CHD6: variants seen among roughly 807,000 people sequenced by gnomAD.
CHD6 encodes the protein ATP-dependent chromatin remodeler CHD6.
A neutral mutation model predicts 276.9 loss-of-function variants in CHD6; 50 were observed. The ratio of observed to expected loss-of-function variants is 0.18; its 90% CI spans 0.14 to 0.23. CHD6 has a LOEUF of 0.23. Ranked by LOEUF, CHD6 falls within the 10% of genes least tolerant of loss-of-function variation. The pLI, the probability that CHD6 is intolerant of heterozygous loss-of-function variation, is 1.00. For synonymous variants in CHD6, 1,173 were observed against 1,229.3 expected (o/e 0.95, Z 0.96); for missense variants, 2,564 against 3,365.8 (o/e 0.76, Z 5.89).
intron 23 of CHD6, among the ~76,000 whole-genome samples, chr20:41,448,763 G>T (rs892648991): frequency 1.6e-4 from 24 of 152,106 alleles, no homozygotes; most frequent in Admixed American, 2.0e-4. Flanking sequence ...TATTAGATCT[G>T]GGTAGAAAGT....
chr20:41,479,755 A>G (rs947695773), intron 16 of CHD6, among the ~76,000 whole-genome samples: 2 of 152,220 alleles, frequency 1.3e-5, no homozygotes, highest in Admixed American at 1.3e-4. Context: ...AATGAAAGAT[A>G]AAGTCAAGAA....
chr20:41,591,365 CATAT>C (rs761622140), intron 1 of CHD6, among the ~76,000 whole-genome samples: 199 of 144,080 alleles, frequency 1.4e-3, no homozygotes, highest in Non-Finnish European at 2.5e-3. Context: ...TATAATTTTA[CATAT>C]ATATATATAT....
At chr20:41,453,643 C>G (rs1411316149) in intron 20 of CHD6, among the ~76,000 whole-genome samples, 1 of 152,158 alleles carries the variant, frequency 6.6e-6, no homozygotes, top group Non-Finnish European at 1.5e-5. Flanking sequence ...CACCGTGCTT[C>G]CCAACACGGA....
chr20:41,487,644 A>G (rs2043449841), intron 14 of CHD6, 21 bp downstream of exon 14: 1 of 1,590,144 alleles, frequency 6.3e-7, no homozygotes, highest in South Asian at 1.2e-5. Flanking sequence ...TGTCTCCTCA[A>G]TTCTTTGGGT....
chr20:41,415,052 T>G, intron 34 of CHD6, 134 bp downstream of exon 34: 2 of 1,469,460 alleles, frequency 1.4e-6, no homozygotes, highest in Non-Finnish European at 1.8e-6. Flanking sequence ...GGGCATCTTA[T>G]AATGAGAGAA....
chr20:41,495,854 T>C (rs189363304), intron 8 of CHD6, among the ~76,000 whole-genome samples: 4 of 152,350 alleles, frequency 2.6e-5, no homozygotes, highest in Admixed American at 2.6e-4. Flanking sequence ...GTCCTGCTTT[T>C]TCCTATGATA....
chr20:41,591,297 A>G (rs1405967448), intron 1 of CHD6, among the ~76,000 whole-genome samples: 1 of 151,754 alleles, frequency 6.6e-6, no homozygotes, highest in Non-Finnish European at 1.5e-5. Context: ...CCAACATGGC[A>G]CATGTATACC....
intron 1 of CHD6, among the ~76,000 whole-genome samples, chr20:41,587,814 G>A (rs1301246214): frequency 7.0e-6 from 1 of 143,756 alleles, no homozygotes. Flanking sequence ...TGACATTTCT[G>A]TAGTGAAAAA....
intron 3 of CHD6, among the ~76,000 whole-genome samples, chr20:41,530,371 G>T (rs1329211998): frequency 6.6e-6 from 1 of 152,162 alleles, no homozygotes; most frequent in Non-Finnish European, 1.5e-5. Context: ...GGAGGAAAAG[G>T]CCAGAAGCCC....
intron 1 of CHD6, among the ~76,000 whole-genome samples, chr20:41,595,909 T>C (rs1343977064): frequency 6.6e-6 from 1 of 152,112 alleles, no homozygotes; most frequent in Non-Finnish European, 1.5e-5. Flanking sequence ...CTATGCCCTG[T>C]GCTGGCGGCA....
intron 1 of CHD6, among the ~76,000 whole-genome samples, chr20:41,575,595 C>T (rs539664169): frequency 1.3e-5 from 2 of 152,222 alleles, no homozygotes; most frequent in African/African-American, 2.4e-5. Flanking sequence ...GACAGTTCAG[C>T]CCCACACTGG....
At chr20:41,598,107 C>A (rs572088555) in intron 1 of CHD6, among the ~76,000 whole-genome samples, 2 of 152,166 alleles carry the variant, frequency 1.3e-5, no homozygotes, top group African/African-American at 2.4e-5. Context: ...GAAGCCCCCC[C>A]ACCAATTGCC....
At chr20:41,434,628 C>T (rs1278274947) in intron 27 of CHD6, among the ~76,000 whole-genome samples, 1 of 152,126 alleles carries the variant, frequency 6.6e-6, no homozygotes, top group Non-Finnish European at 1.5e-5. Context: ...CTTTGGCCTC[C>T]CAAAGTGCTG....
intron 17 of CHD6, among the ~76,000 whole-genome samples, chr20:41,470,072 G>A (rs140572173): frequency 5.9e-5 from 9 of 152,364 alleles, no homozygotes; most frequent in African/African-American, 2.2e-4. Context: ...GCCAAGGGGC[G>A]TGGGAATGTG....
chr20:41,604,380 T>A (rs2045805735), intron 1 of CHD6, among the ~76,000 whole-genome samples: 2 of 152,116 alleles, frequency 1.3e-5, no homozygotes, highest in African/African-American at 4.8e-5. Context: ...TAGTTAAAGA[T>A]TAGAGGAGTC....
In CHD6 at chr20:41,455,911, A is replaced by C. The variant is rs570046977; in HGVS notation, c.2898T>G (p.Asp966Glu). ...LRKGAYGALM[D>E]EEDEGSKFCE... ...AGAACTTGGAGCCTTCATCTTCTTC[A>C]TCCATTAAGGCTCCATAAGCACCTT... The change falls in exon 19 of 37, where the codon GAT (aspartate) becomes GAG (glutamate). Residue 966 changes from aspartate (D) to glutamate (E), a missense_variant. By Grantham distance (45) the Asp-to-Glu change is conservative. This residue lies in a region of CHD6 where 457 missense variants were observed against 889.0 expected (regional missense o/e 0.51). Coordinates refer to ENST00000373233, the MANE Select transcript of CHD6 (RefSeq NM_032221.5). The C allele has an allele frequency of 6.2e-7, 1 of 1,612,520 alleles. No individual in the cohort carries two copies. Among genetic ancestry groups the C allele is most frequent in the Non-Finnish European group, 8.5e-7 (1 of 1,179,414 alleles).
intron 20 of CHD6, among the ~76,000 whole-genome samples, chr20:41,454,246 A>G (rs2048323047): frequency 1.3e-5 from 2 of 152,184 alleles, no homozygotes. Context: ...AAGCCAACAA[A>G]CTTTTGTCAT....
chr20:41,437,496 T>C (rs1471429852), intron 26 of CHD6, among the ~76,000 whole-genome samples, 162 bp from the exon 27 acceptor site: 1 of 152,206 alleles, frequency 6.6e-6, no homozygotes, highest in Non-Finnish European at 1.5e-5. Context: ...TACAGTATAT[T>C]GTTATAATTG....
chr20:41,426,983 G>C (rs945461424), intron 27 of CHD6, among the ~76,000 whole-genome samples: 11 of 152,128 alleles, frequency 7.2e-5, no homozygotes, highest in Admixed American at 5.9e-4. Context: ...CAGGATTCAA[G>C]ACTTTGCTAT....
Sources: allele counts gnomAD v4.1 joint callset (sites outside exome capture counted in the v4.1 genomes callset), GRCh38; gene constraint gnomAD v4.1.1; regional missense constraint gnomAD v4.1.1; transcripts MANE v1.5; gene names NCBI Gene and HGNC (gene_info 2026-07-23, HGNC 2026-07-21).